Variants in FRAS1 observed in about 807,000 individuals in gnomAD.
The protein encoded by FRAS1 is Fraser extracellular matrix complex subunit 1.
In FRAS1, 290 loss-of-function variants were observed where a neutral mutation model predicts 435.2. The observed-to-expected ratio is 0.67, with a 90% CI of 0.61 to 0.73. The LOEUF is 0.73. Among genes scored for constraint, FRAS1 ranks in the 30% least tolerant of loss-of-function variants. The probability of loss-of-function intolerance (pLI) is 0.00; values close to 1 mark genes in which losing one functional copy is unlikely to be tolerated. For synonymous variants in FRAS1, 1,800 were observed against 1,851.0 expected (o/e 0.97, Z 0.71); for missense variants, 4,860 against 5,001.5 (o/e 0.97, Z 0.85).
intron 14 of FRAS1, among the ~76,000 whole-genome samples, chr4:78,300,739 G>A (rs1219206027): frequency 6.6e-6 from 1 of 152,006 alleles, no homozygotes; most frequent in Non-Finnish European, 1.5e-5. Flanking sequence ...CCAGGCCTCT[G>A]CCTATGGCTG....
chr4:78,197,721 C>T (rs978263690), intron 2 of FRAS1, among the ~76,000 whole-genome samples: 44 of 152,110 alleles, frequency 2.9e-4, no homozygotes, highest in Admixed American at 2.2e-3. Context: ...GCGGGTGGAT[C>T]ATGAGGTCAG....
intron 2 of FRAS1, among the ~76,000 whole-genome samples, chr4:78,157,518 G>A (rs1720946746): frequency 6.6e-6 from 1 of 152,168 alleles, no homozygotes; most frequent in Non-Finnish European, 1.5e-5. Context: ...CATTCTGACT[G>A]GTGTGAGATG....
chr4:78,345,155 G>A (rs919597089), intron 20 of FRAS1, among the ~76,000 whole-genome samples: 2 of 152,148 alleles, frequency 1.3e-5, no homozygotes, highest in Non-Finnish European at 2.9e-5. Context: ...GATTAGATAT[G>A]TGTTTCATGT....
intron 2 of FRAS1, among the ~76,000 whole-genome samples, chr4:78,115,665 A>C (rs1469686213): frequency 2.6e-5 from 4 of 152,068 alleles, no homozygotes; most frequent in South Asian, 2.1e-4. Context: ...TCTGTGGGAT[A>C]GGTGGTGATA....
Position 78,182,058 on chromosome 4 carries a change from G to A in FRAS1, c.109-55452G>A, listed in dbSNP as rs1020868214. On this transcript the variant is annotated intron_variant, in intron 2 of 73. Transcript: ENST00000512123. ...AAGTGCCCAGGCATGATGGTGGCTC[G>A]GCGGCGGGTTCCTCTACGGATTGCA... is the stretch of plus-strand genomic sequence containing the variant. The A allele has an allele frequency of 8.6e-6, 13 of 1,507,380 alleles. No individual in the cohort carries two copies. In the East Asian group the frequency reaches 1.9e-4, roughly 22 times the overall value. 93.4% of individuals were successfully genotyped at this position (1,507,380 alleles called of 1,614,324 possible).
intron 30 of FRAS1, among the ~76,000 whole-genome samples, chr4:78,405,567 T>G (rs1181756237): frequency 6.6e-6 from 1 of 152,252 alleles, no homozygotes; most frequent in Non-Finnish European, 1.5e-5. Flanking sequence ...TACTTGAATT[T>G]AGTGCATATA....
intron 47 of FRAS1, among the ~76,000 whole-genome samples, chr4:78,463,151 G>A (rs1719420829): frequency 6.6e-6 from 1 of 152,156 alleles, no homozygotes; most frequent in Admixed American, 6.5e-5. Flanking sequence ...CTGGGTATGA[G>A]CCCTAGCAGC....
chr4:78,125,171 T>A (rs28750761), intron 2 of FRAS1, among the ~76,000 whole-genome samples: 42,572 of 152,044 alleles, frequency 0.28, 6,284 homozygotes, highest in African/African-American at 0.35. Flanking sequence ...TGTGTCCTAG[T>A]GATTTTGGTA....
At chr4:78,527,633 G>T (rs1755796425) in intron 70 of FRAS1, among the ~76,000 whole-genome samples, 1 of 152,124 alleles carries the variant, frequency 6.6e-6, no homozygotes, top group African/African-American at 2.4e-5. Flanking sequence ...GGTGAACTCT[G>T]CCAAGAGCAG....
intron 18 of FRAS1, among the ~76,000 whole-genome samples, chr4:78,324,197 A>AAG (rs921287004): frequency 6.6e-6 from 1 of 151,922 alleles, no homozygotes; most frequent in Non-Finnish European, 1.5e-5. Context: ...ATAAGGGAAA[A>AAG]AGAAAAATAA....
chr4:78,489,172 CAG>C (rs1292519994), intron 59 of FRAS1, 92 bp downstream of exon 59: 1 of 1,242,002 alleles, frequency 8.1e-7, no homozygotes, highest in Non-Finnish European at 1.1e-6. Flanking sequence ...CAAAAATTCT[CAG>C]AATTTTGTAT....
At chr4:78,305,846 C>G (rs1020417531) in intron 14 of FRAS1, among the ~76,000 whole-genome samples, 2 of 151,412 alleles carry the variant, frequency 1.3e-5, no homozygotes, top group Non-Finnish European at 1.5e-5. Context: ...TTAATTGGAG[C>G]ATTTAGTCCA....
rs760890625 is a variant in FRAS1 at position 78,470,005 on chromosome 4, C to T, written c.7285C>T (p.Arg2429Ter). The T allele has an allele frequency of 1.1e-5, 17 of 1,613,462 alleles. No homozygotes were observed. The highest frequency in any genetic ancestry group is 2.2e-5 in the East Asian group (1 of 44,840). The change falls in exon 51 of 74, where the codon CGA becomes TGA. Residue 2429 changes from arginine (R) to a stop codon, truncating the protein, a stop_gained. Transcript: ENST00000512123. LOFTEE classifies it high-confidence loss of function. ...EIMTAAPQPF[R>*]VDILPVDDGT... ...TATGACAGCAGCACCTCAGCCGTTC[C>T]GAGTAGACATCCTCCCGGTAGATGA...
chr4:78,199,030 A>G (rs931503022), intron 2 of FRAS1, among the ~76,000 whole-genome samples: 7 of 152,222 alleles, frequency 4.6e-5, no homozygotes, highest in South Asian at 2.1e-4. Context: ...TTGACAGTGC[A>G]GGTGTTGGCA....
intron 3 of FRAS1, among the ~76,000 whole-genome samples, chr4:78,244,015 A>G (rs902591291): frequency 6.6e-6 from 1 of 152,148 alleles, no homozygotes; most frequent in Admixed American, 6.6e-5. Context: ...AGTGATTAAT[A>G]TTGCATAGTA....
At chr4:78,429,369 C>A in intron 36 of FRAS1, 143 bp downstream of exon 36, 1 of 1,068,022 alleles carries the variant, frequency 9.4e-7, no homozygotes, top group Non-Finnish European at 1.3e-6. Flanking sequence ...CTTCCTCCTG[C>A]CCATTTCTAT....
intron 29 of FRAS1, among the ~76,000 whole-genome samples, chr4:78,390,652 A>C (rs556694367): frequency 4.1e-4 from 62 of 152,316 alleles, no homozygotes; most frequent in African/African-American, 1.4e-3. Flanking sequence ...TCTTGTTACA[A>C]GTGAGAGTAT....
chr4:78,257,047 G>C (rs919066543), intron 6 of FRAS1, among the ~76,000 whole-genome samples: 5 of 152,038 alleles, frequency 3.3e-5, no homozygotes, highest in African/African-American at 1.2e-4. Context: ...CACCATTTTG[G>C]GTGTTTACTA....
chr4:78,251,540 A>G (rs553085792), intron 4 of FRAS1, among the ~76,000 whole-genome samples: 63 of 152,226 alleles, frequency 4.1e-4, no homozygotes, highest in African/African-American at 1.4e-3. Flanking sequence ...TTCATCTTAT[A>G]GCTGGAAGTT....
Sources: allele counts gnomAD v4.1 joint callset (sites outside exome capture counted in the v4.1 genomes callset), GRCh38; gene constraint gnomAD v4.1.1; transcripts MANE v1.5; gene names NCBI Gene and HGNC (gene_info 2026-07-23, HGNC 2026-07-21).